SLC29A3: variants seen among roughly 807,000 people sequenced by gnomAD.
SLC29A3 encodes the protein equilibrative nucleoside transporter 3.
A neutral mutation model predicts 25.4 loss-of-function variants in SLC29A3; 18 were observed. The ratio of observed to expected loss-of-function variants is 0.71; its 90% CI spans 0.49 to 1.05. The LOEUF is 1.05. Ranked by LOEUF, SLC29A3 falls within the 50% of genes least tolerant of loss-of-function variation. The probability of loss-of-function intolerance (pLI) is 0.00; values close to 1 mark genes in which losing one functional copy is unlikely to be tolerated. For missense variants in SLC29A3, 586 were observed against 609.0 expected (o/e 0.96, Z 0.40); for synonymous variants, 258 against 267.1 (o/e 0.97, Z 0.33).
At chr10:71,322,120 G>A (rs964253801) in intron 1 of SLC29A3, among the ~76,000 whole-genome samples, 5 of 152,110 alleles carry the variant, frequency 3.3e-5, no homozygotes, top group African/African-American at 9.7e-5. Context: ...AAGAATGCAG[G>A]GAAGTCCCCC....
rs1847249611 is a variant in SLC29A3, at chr10:71,376,081, C to G, written c.*211+270C>G. Among the ~76,000 whole-genome samples the G allele has an allele frequency of 2.0e-5, 3 of 152,174 alleles. No homozygotes were observed. In the South Asian group the frequency reaches 6.2e-4, roughly 32 times the overall value. On this transcript the variant is annotated intron_variant and NMD_transcript_variant, in intron 4 of 4. Coordinates refer to the SLC29A3 transcript ENST00000642772. ...GGAAATAGAAGACACAAAGCCAAAC[C>G]AGCTTGAACATTTTTAAGGACTTGA...
At chr10:71,363,808 C>CT (rs71012277), downstream of SLC29A3, among the ~76,000 whole-genome samples, 32 of 103,726 alleles carry the variant, frequency 3.1e-4, 6 homozygotes, top group Middle Eastern at 0.013. Flanking sequence ...TTTCCTTTTT[C>CT]TTTTCTTTTT....
chr10:71,377,326 T>C (rs1847260306), intron 4 of SLC29A3, among the ~76,000 whole-genome samples: 1 of 152,158 alleles, frequency 6.6e-6, no homozygotes, highest in African/African-American at 2.4e-5. Context: ...GTATGGCGAA[T>C]CGTCAGGTCC....
intron 4 of SLC29A3, among the ~76,000 whole-genome samples, chr10:71,353,358 A>G (rs868736130): frequency 6.6e-6 from 1 of 152,200 alleles, no homozygotes; most frequent in Non-Finnish European, 1.5e-5. Flanking sequence ...GCCACTGGAC[A>G]TGGGATTTAA....
At chr10:71,331,920 A>T (rs942850293) in intron 2 of SLC29A3, among the ~76,000 whole-genome samples, 3 of 152,100 alleles carry the variant, frequency 2.0e-5, no homozygotes, top group African/African-American at 7.2e-5. Flanking sequence ...CCCTTCCCTG[A>T]TGGCTTTATC....
At chr10:71,331,331 C>G (rs1826353850) in intron 2 of SLC29A3, among the ~76,000 whole-genome samples, 1 of 152,116 alleles carries the variant, frequency 6.6e-6, no homozygotes, top group Admixed American at 6.5e-5. Flanking sequence ...ACAGCAAACT[C>G]AAGGAATTTT....
At chr10:71,366,273 G>C (rs1308048336), downstream of SLC29A3, 1 of 152,234 alleles carries the variant, frequency 6.6e-6, no homozygotes, top group Non-Finnish European at 1.5e-5. Context: ...GAACTTGAGA[G>C]TGATGAAATC....
intron 3 of SLC29A3, among the ~76,000 whole-genome samples, chr10:71,345,674 C>A (rs571729236): frequency 5.0e-3 from 177 of 35,632 alleles, no homozygotes; most frequent in African/African-American, 0.024. Flanking sequence ...CTCACTCCTG[C>A]CTTCGAAGCT....
At chr10:71,343,006 G>T (rs1846452850) in intron 2 of SLC29A3, among the ~76,000 whole-genome samples, 2 of 152,190 alleles carry the variant, frequency 1.3e-5, no homozygotes, top group South Asian at 4.1e-4. Flanking sequence ...TAGAGATGGG[G>T]TCTCACTCTG....
chr10:71,339,507 G>T (rs1319826920), intron 2 of SLC29A3, among the ~76,000 whole-genome samples: 1 of 152,150 alleles, frequency 6.6e-6, no homozygotes, highest in Non-Finnish European at 1.5e-5. Context: ...AGAGGTGACT[G>T]ATGGGCCTCT....
rs113863485 is a variant in SLC29A3, at chr10:71,355,421, G to A, written c.611-660G>A. Among the ~76,000 whole-genome samples, 983 of 152,358 alleles carry A rather than the reference G, an allele frequency of 6.5e-3. 10 individuals carry two copies. Among genetic ancestry groups the A allele is most frequent in the African/African-American group, 0.022 (934 of 41,580 alleles). The stretch of plus-strand genomic sequence containing the variant: ...TGTGGTGGGGTGGTTGCGTGCTTGT[G>A]TGTGCATGTAGGTGTATGACTGTGT... On this transcript the variant is annotated intron_variant, in intron 4 of 5. Transcript: ENST00000373189.
chr10:71,362,087 A>T lies in SLC29A3; in HGVS notation c.907A>T (p.Lys303Ter). Residue 303 changes from lysine to a stop codon, truncating the protein, a stop_gained, in exon 6 of 6, where the codon AAG becomes TAG. Transcript: ENST00000373189. LOFTEE classifies it low-confidence loss of function (END_TRUNC). ...CACACCCCCTCTCCGCCCCATCCTG[A>T]AGAAGACGGCCAGCCTGGGCTTCTG... ...SHTPPLRPIL[K>*]KTASLGFCVT... is the part of the protein sequence containing the mutation. 6.2e-7 allele frequency: 1 copy of T among 1,613,918 alleles called. No individual in the cohort carries two copies. The highest frequency in any genetic ancestry group is 8.5e-7 in the Non-Finnish European group (1 of 1,179,970).
chr10:71,376,110 TC>T (rs1847249801), intron 4 of SLC29A3, among the ~76,000 whole-genome samples: 1 of 152,182 alleles, frequency 6.6e-6, no homozygotes, highest in Non-Finnish European at 1.5e-5. Flanking sequence ...GACTTGAAAC[TC>T]CAGGGAGTGG....
intron 2 of SLC29A3, among the ~76,000 whole-genome samples, chr10:71,328,206 C>T (rs1846017521): frequency 6.6e-6 from 1 of 152,150 alleles, no homozygotes; most frequent in South Asian, 2.1e-4. Context: ...GGCTGGGACC[C>T]GGGCTAGGCA....
chr10:71,320,221 G>A (rs1460908028), intron 1 of SLC29A3, among the ~76,000 whole-genome samples: 1 of 152,158 alleles, frequency 6.6e-6, no homozygotes, highest in African/African-American at 2.4e-5. Flanking sequence ...CCTTCTAGCC[G>A]CCCCCACAGG....
intron 4 of SLC29A3, among the ~76,000 whole-genome samples, chr10:71,377,043 G>A (rs1021315338): frequency 6.6e-6 from 1 of 152,222 alleles, no homozygotes; most frequent in African/African-American, 2.4e-5. Flanking sequence ...TGGGATTACA[G>A]GCGTGAGCCA....
At chr10:71,378,155 C>G (rs1847275809) in intron 4 of SLC29A3, among the ~76,000 whole-genome samples, 1 of 151,068 alleles carries the variant, frequency 6.6e-6, no homozygotes, top group African/African-American at 2.4e-5. Context: ...AAGTTAGGTA[C>G]AAAAATGAAC....
chr10:71,374,091 C>T (rs1847232437), intron 3 of SLC29A3, among the ~76,000 whole-genome samples: 1 of 152,162 alleles, frequency 6.6e-6, no homozygotes, highest in Non-Finnish European at 1.5e-5. Context: ...TATGAAAACA[C>T]CTGGTATAGG....
At chr10:71,368,444 TGCCAGGCCCCTC>T (rs1157802945) in intron 3 of SLC29A3, among the ~76,000 whole-genome samples, 6 of 152,198 alleles carry the variant, frequency 3.9e-5, no homozygotes, top group Non-Finnish European at 1.5e-5. Flanking sequence ...TCAATGGACT[TGCCAGGCCCCTC>T]GCCTGGCCCC....
Sources: gnomAD v4.1 joint callset for allele counts (sites outside exome capture counted in the v4.1 genomes callset) on GRCh38, gnomAD v4.1.1 for gene constraint, MANE v1.5 for transcripts, NCBI Gene and HGNC (gene_info 2026-07-23, HGNC 2026-07-21) for gene names.